FHIP1A: variants seen among roughly 807,000 people sequenced by gnomAD.
FHIP1A encodes FHF complex subunit HOOK-interacting protein 1A.
In FHIP1A, 61 loss-of-function variants were observed where a neutral mutation model predicts 88.6. The ratio of observed to expected loss-of-function variants is 0.69; its 90% CI spans 0.56 to 0.85. FHIP1A has a LOEUF of 0.85. Ranked by LOEUF, FHIP1A falls within the 40% of genes least tolerant of loss-of-function variation. The pLI is 0.00. For missense variants in FHIP1A, 1,154 were observed against 1,273.5 expected (o/e 0.91, Z 1.43); for synonymous variants, 478 against 496.0 (o/e 0.96, Z 0.48).
intron 2 of FHIP1A, among the ~76,000 whole-genome samples, chr4:151,470,036 T>G (rs1262438423): frequency 2.6e-5 from 4 of 152,224 alleles, no homozygotes; most frequent in Admixed American, 2.0e-4. Flanking sequence ...TGCTAAGAGC[T>G]TCTCATAAAT....
chr4:151,648,615 G>T (rs1736881629), intron 10 of FHIP1A, among the ~76,000 whole-genome samples: 1 of 151,752 alleles, frequency 6.6e-6, no homozygotes, highest in African/African-American at 2.4e-5. Context: ...ATTTGGGTTG[G>T]GTGTTCTTTC....
chr4:151,580,833 A>G (rs1255964857), intron 5 of FHIP1A, among the ~76,000 whole-genome samples: 1 of 152,076 alleles, frequency 6.6e-6, no homozygotes, highest in African/African-American at 2.4e-5. Context: ...AAATCAAAAA[A>G]CATGTTGAAT....
At chr4:151,461,305 A>G (rs1305267244) in intron 2 of FHIP1A, among the ~76,000 whole-genome samples, 1 of 152,210 alleles carries the variant, frequency 6.6e-6, no homozygotes, top group Non-Finnish European at 1.5e-5. Flanking sequence ...ACATACATGC[A>G]TCTCTGGGAA....
rs1022758834 is a variant in FHIP1A, at chr4:151,650,400, G to T, written c.2359G>T (p.Glu787Ter). ...PDPLLLTKEEEGKEESKGEKE... is the reference protein window; with the variant it reads ...PDPLLLTKEE The stretch of plus-strand genomic sequence containing the variant: ...TCCCTTGCTTCTCACTAAGGAGGAA[G>T]AAGGGAAGGAAGAGAGTAAAGGAGA... The change falls in exon 11 of 14, where the codon GAA (glutamate) becomes TAA (stop). Residue 787 changes from glutamate to a stop codon, truncating the protein, a stop_gained. Transcript: ENST00000435205. LOFTEE classifies it high-confidence loss of function. The T allele has an allele frequency of 6.4e-7, 1 of 1,551,608 alleles. No individual in the cohort carries two copies. Among genetic ancestry groups the T allele is most frequent in the African/African-American group, 1.4e-5 (1 of 73,060 alleles).
chr4:151,504,952 A>C (rs1294042794), intron 3 of FHIP1A, among the ~76,000 whole-genome samples: 1 of 152,028 alleles, frequency 6.6e-6, no homozygotes, highest in Non-Finnish European at 1.5e-5. Flanking sequence ...ATAGAAGAAA[A>C]CTGTCAGGAC....
chr4:151,433,942 G>A (rs959108742), intron 1 of FHIP1A, among the ~76,000 whole-genome samples: 7 of 152,182 alleles, frequency 4.6e-5, no homozygotes, highest in African/African-American at 1.4e-4. Context: ...ATGCTGTTGG[G>A]AGATTTTTCC....
At chr4:151,489,971 A>G (rs555885717) in intron 3 of FHIP1A, among the ~76,000 whole-genome samples, 1 of 152,292 alleles carries the variant, frequency 6.6e-6, no homozygotes, top group South Asian at 2.1e-4. Flanking sequence ...ATCTTTGCCT[A>G]TGTAGGGCAA....
chr4:151,519,236 C>G (rs906639560), intron 3 of FHIP1A, among the ~76,000 whole-genome samples: 2 of 152,152 alleles, frequency 1.3e-5, no homozygotes, highest in Non-Finnish European at 2.9e-5. Flanking sequence ...CCTTCCCAGT[C>G]AATCCCTACC....
At chr4:151,551,963 A>T (rs923282121) in intron 3 of FHIP1A, among the ~76,000 whole-genome samples, 7 of 152,186 alleles carry the variant, frequency 4.6e-5, no homozygotes, top group African/African-American at 1.2e-4. Flanking sequence ...GAATCTACAA[A>T]GAACTCAAAC....
intron 1 of FHIP1A, among the ~76,000 whole-genome samples, chr4:151,413,711 T>C (rs1369315868): frequency 1.3e-5 from 2 of 151,914 alleles, no homozygotes; most frequent in African/African-American, 4.8e-5. Context: ...TGCCTCAGTC[T>C]CCCAAAGTGC....
At chr4:151,598,029 G>C (rs1036669506) in intron 7 of FHIP1A, among the ~76,000 whole-genome samples, 2 of 152,038 alleles carry the variant, frequency 1.3e-5, no homozygotes, top group African/African-American at 4.8e-5. Flanking sequence ...CTGCTTTTAG[G>C]GGAGTGAACG....
intron 3 of FHIP1A, among the ~76,000 whole-genome samples, chr4:151,533,657 C>T (rs181309696): frequency 6.6e-6 from 1 of 152,282 alleles, no homozygotes; most frequent in African/African-American, 2.4e-5. Context: ...GGTTTTTTAA[C>T]TATCATTCTG....
At chr4:151,464,206 T>C (rs1406498651) in intron 2 of FHIP1A, among the ~76,000 whole-genome samples, 1 of 152,166 alleles carries the variant, frequency 6.6e-6, no homozygotes, top group Non-Finnish European at 1.5e-5. Context: ...TTTATTTCTG[T>C]AATGTGTCAT....
In FHIP1A at chr4:151,555,040, T is replaced by C. The variant is rs1443825958; in HGVS notation, c.-122-11098T>C. ...TTTTGGGATAGCATGTTCTGCTTTG[T>C]GGTTCTCCCCCCAATCACAGAAGCT... On this transcript the variant is annotated intron_variant, in intron 3 of 13. Transcript: ENST00000435205. Among the ~76,000 whole-genome samples, 4 of 152,186 alleles carry C rather than the reference T, an allele frequency of 2.6e-5. No individual in the cohort carries two copies. The East Asian group carries it at 5.8e-4, about 22-fold the overall frequency.
At chr4:151,470,958 A>G (rs556381880) in intron 2 of FHIP1A, among the ~76,000 whole-genome samples, 1 of 152,296 alleles carries the variant, frequency 6.6e-6, no homozygotes, top group South Asian at 2.1e-4. Flanking sequence ...ATTGCCTACA[A>G]TGCTGGCTGG....
chr4:151,549,524 A>G (rs999653858), intron 3 of FHIP1A, among the ~76,000 whole-genome samples: 1 of 150,466 alleles, frequency 6.6e-6, no homozygotes, highest in Non-Finnish European at 1.5e-5. Flanking sequence ...GTTACCCTAT[A>G]TGGTGAGAAA....
chr4:151,528,611 T>C (rs563116603), intron 3 of FHIP1A, among the ~76,000 whole-genome samples: 5 of 152,318 alleles, frequency 3.3e-5, no homozygotes, highest in African/African-American at 1.2e-4. Context: ...GCAGGATTGA[T>C]ACTGCTTGTT....
At chr4:151,519,887 G>A (rs551720197) in intron 3 of FHIP1A, among the ~76,000 whole-genome samples, 2 of 152,232 alleles carry the variant, frequency 1.3e-5, no homozygotes, top group East Asian at 1.9e-4. Context: ...CAAGCACTTA[G>A]TGGCCATTCG....
chr4:151,472,018 G>A (rs146117228), intron 2 of FHIP1A, among the ~76,000 whole-genome samples: 8 of 152,080 alleles, frequency 5.3e-5, no homozygotes, highest in Admixed American at 2.0e-4. Context: ...CTCATTGATC[G>A]ATGGGCATTT....
Sources: allele counts gnomAD v4.1 joint callset (sites outside exome capture counted in the v4.1 genomes callset), GRCh38; gene constraint gnomAD v4.1.1; transcripts MANE v1.5; gene names NCBI Gene and HGNC (gene_info 2026-07-23, HGNC 2026-07-21).